Variants in GLRB observed in about 807,000 individuals in gnomAD.
GLRB encodes the protein glycine receptor beta.
A neutral mutation model predicts 54.2 loss-of-function variants in GLRB; 33 were observed. That is an observed-to-expected ratio of 0.61 (90% CI 0.46 to 0.81). The LOEUF is 0.81. Ranked by LOEUF, GLRB falls within the 40% of genes least tolerant of loss-of-function variation. The pLI, the probability that GLRB is intolerant of heterozygous loss-of-function variation, is 0.00. For synonymous variants in GLRB, 209 were observed against 208.2 expected (o/e 1.00, Z -0.03); for missense variants, 572 against 584.6 (o/e 0.98, Z 0.22).
rs750803516 is a variant in GLRB at position 157,152,765 on chromosome 4, G to A, written c.952G>A (p.Ala318Thr). The A allele has an allele frequency of 3.1e-5, 50 of 1,613,372 alleles. No individual in the cohort carries two copies. Among genetic ancestry groups the A allele is most frequent in the South Asian group, 3.3e-5 (3 of 91,074 alleles). The change falls in exon 9 of 10, where the codon GCT becomes ACT. Residue 318 changes from alanine (A) to threonine (T), a missense_variant. Physicochemically the swap from Ala to Thr is moderately conservative, Grantham distance 58. Transcript: ENST00000264428. The stretch of plus-strand genomic sequence containing the variant: ...GGCCTCTGAGTGCACAACCCTTGCC[G>A]CTGAGCTTCCCAAAGTTTCCTATGT... ...SLASECTTLA[A>T]ELPKVSYVKA...
intron 2 of GLRB, among the ~76,000 whole-genome samples, chr4:157,090,062 G>A (rs1404582447): frequency 6.6e-6 from 1 of 152,086 alleles, no homozygotes; most frequent in Non-Finnish European, 1.5e-5. Flanking sequence ...TGTTATTGCA[G>A]TACTTTCCTA....
intron 2 of GLRB, among the ~76,000 whole-genome samples, chr4:157,100,048 A>G (rs560101388): frequency 2.0e-4 from 30 of 152,214 alleles, no homozygotes; most frequent in Non-Finnish European, 3.8e-4. Flanking sequence ...ATCATTTGTC[A>G]GATATAGACA....
At chr4:157,078,264 A>C in intron 2 of GLRB, 118 bp downstream of exon 2, 1 of 1,523,960 alleles carries the variant, frequency 6.6e-7, no homozygotes, top group Non-Finnish European at 8.9e-7. Flanking sequence ...ATGTATATCC[A>C]TCTGTTACAG....
chr4:157,149,982 G>A (rs965620264), intron 8 of GLRB, among the ~76,000 whole-genome samples: 3 of 151,904 alleles, frequency 2.0e-5, no homozygotes, highest in Non-Finnish European at 4.4e-5. Flanking sequence ...GTGATTGGAT[G>A]GACAAGAAAT....
At position 157,144,803 on chromosome 4, in the gene GLRB, A is replaced by T. The variant is rs78989580; in HGVS notation, c.904+844A>T. 4.1e-3 allele frequency among the ~76,000 whole-genome samples: 631 copies of T among 152,272 alleles called. 5 individuals carry two copies. The highest frequency in any genetic ancestry group is 0.014 in the African/African-American group (564 of 41,556). ...AGGCCTTGTGCAAATCTCTCTCCTGACTTACTGGAGGAATTAAATGAAATA... is the reference window on the plus strand; with the variant it reads ...AGGCCTTGTGCAAATCTCTCTCCTGTCTTACTGGAGGAATTAAATGAAATA... On this transcript the variant is annotated intron_variant, in intron 8 of 9. Transcript: ENST00000264428.
At chr4:157,126,117 A>G (rs1736008700) in intron 4 of GLRB, among the ~76,000 whole-genome samples, 2 of 151,916 alleles carry the variant, frequency 1.3e-5, no homozygotes, top group African/African-American at 4.8e-5. Flanking sequence ...CCATTTCATC[A>G]GTGGATAATG....
rs1046528704 is a variant in GLRB at position 157,170,467 on chromosome 4, T to C, written c.1233T>C (p.Ser411=). Residue 411 remains serine, a synonymous_variant, in exon 10 of 10, where the codon TCT becomes TCC. Transcript: ENST00000264428. The part of the protein sequence containing the change: ...GETRCKKVCT[S]KSDLRSNDFS... ...CCAGATGCAAAAAAGTTTGTACTTC[T>C]AAGTCTGATCTGAGATCTAATGACT... 1 of 1,609,030 alleles carries C rather than the reference T, an allele frequency of 6.2e-7. No individual in the cohort carries two copies. The highest frequency in any genetic ancestry group is 8.5e-7 in the Non-Finnish European group (1 of 1,175,592).
intron 6 of GLRB, among the ~76,000 whole-genome samples, chr4:157,137,361 TA>T (rs1211986726): frequency 6.6e-6 from 1 of 152,080 alleles, no homozygotes; most frequent in East Asian, 1.9e-4. Context: ...ATTGATCATA[TA>T]TTTTTCATTT....
chr4:157,087,444 A>C (rs1560933647), intron 2 of GLRB, among the ~76,000 whole-genome samples: 2 of 152,102 alleles, frequency 1.3e-5, no homozygotes, highest in Admixed American at 6.5e-5. Flanking sequence ...TTATTCATTC[A>C]TTAATTTATG....
chr4:157,163,105 G>C (rs1383335345), intron 9 of GLRB, among the ~76,000 whole-genome samples: 3 of 152,290 alleles, frequency 2.0e-5, no homozygotes, highest in African/African-American at 7.2e-5. Context: ...AGCAGTGAGC[G>C]AGGCTCCGTG....
Position 157,146,509 on chromosome 4 carries a change from G to A in GLRB, c.904+2550G>A, listed in dbSNP as rs1736817113. Among the ~76,000 whole-genome samples, 7 of 152,166 alleles carry A rather than the reference G, an allele frequency of 4.6e-5. No homozygotes were observed. The South Asian group carries it at 1.2e-3, about 27-fold the overall frequency. On this transcript the variant is annotated intron_variant, in intron 8 of 9. Coordinates refer to ENST00000264428, the MANE Select transcript of GLRB (RefSeq NM_000824.5). Reference sequence around the variant, plus strand: ...AATATTTGGTCTAGTGAGTAGTAGTGCAGGTGCTGATAAATATTTGATGAT... The same window carrying A: ...AATATTTGGTCTAGTGAGTAGTAGTACAGGTGCTGATAAATATTTGATGAT...
At chr4:157,161,350 T>G (rs902117721) in intron 9 of GLRB, among the ~76,000 whole-genome samples, 7 of 152,210 alleles carry the variant, frequency 4.6e-5, no homozygotes, top group African/African-American at 1.7e-4. Flanking sequence ...AATATTGTTA[T>G]GTGTGAATTT....
At chr4:157,101,773 T>C (rs1735034474) in intron 2 of GLRB, among the ~76,000 whole-genome samples, 1 of 149,654 alleles carries the variant, frequency 6.7e-6, no homozygotes, top group Non-Finnish European at 1.5e-5. Context: ...TTTCTCCTTT[T>C]CTAGAGTCCA....
At chr4:157,077,961 C>T in intron 1 of GLRB, 35 bp from the exon 2 acceptor site, 1 of 1,410,402 alleles carries the variant, frequency 7.1e-7, no homozygotes, top group Admixed American at 1.8e-5. Context: ...TCATTTTCTT[C>T]ATAAATGTAA....
At chr4:157,153,875 T>C (rs1276203100) in intron 9 of GLRB, among the ~76,000 whole-genome samples, 1 of 152,184 alleles carries the variant, frequency 6.6e-6, no homozygotes, top group African/African-American at 2.4e-5. Context: ...GGTCCCACAA[T>C]TGCTCTATCA....
intron 3 of GLRB, among the ~76,000 whole-genome samples, chr4:157,121,979 C>A (rs1360689977): frequency 6.6e-6 from 1 of 150,698 alleles, no homozygotes; most frequent in African/African-American, 2.4e-5. Context: ...CAAAATGATT[C>A]TTTAAGAATA....
intron 2 of GLRB, among the ~76,000 whole-genome samples, chr4:157,080,135 A>G (rs1734173751): frequency 6.6e-6 from 1 of 152,172 alleles, no homozygotes; most frequent in Non-Finnish European, 1.5e-5. Context: ...GTATATACTT[A>G]CGGTGTGTAT....
At chr4:157,106,671 T>C (rs1317671440) in intron 2 of GLRB, among the ~76,000 whole-genome samples, 1 of 152,050 alleles carries the variant, frequency 6.6e-6, no homozygotes, top group Non-Finnish European at 1.5e-5. Flanking sequence ...ATTTGGAACC[T>C]GGCACTCAGC....
chr4:157,077,947 G>T, intron 1 of GLRB, 49 bp from the exon 2 acceptor site: 1 of 1,254,932 alleles, frequency 8.0e-7, no homozygotes. Flanking sequence ...CAGTCATATA[G>T]TTATCATTTT....
Sources: gnomAD v4.1 joint callset for allele counts (sites outside exome capture counted in the v4.1 genomes callset) on GRCh38, gnomAD v4.1.1 for gene constraint, MANE v1.5 for transcripts, NCBI Gene and HGNC (gene_info 2026-07-23, HGNC 2026-07-21) for gene names.